Variants in RIT2 observed in about 807,000 individuals in gnomAD.
RIT2 encodes the protein Ras like without CAAX 2, also known as GTP-binding protein Rit2.
Under a neutral mutation model 23.7 loss-of-function variants are expected in RIT2, and 24 were observed. That is an observed-to-expected ratio of 1.01 (90% CI 0.73 to 1.43). The LOEUF (loss-of-function observed/expected upper bound fraction) is 1.43, where lower values mean the gene tolerates loss of function less well. Ranked by LOEUF, RIT2 falls within the 40% of genes most tolerant of loss-of-function variation. RIT2 has a pLI of 0.00. For synonymous variants in RIT2, 107 were observed against 91.1 expected, an observed-to-expected ratio of 1.17 and a Z score of -0.99; for missense variants, 236 against 266.9, an observed-to-expected ratio of 0.88 and a Z score of 0.81.
At chr18:42,761,667 C>T (rs1259843753) in intron 4 of RIT2, among the ~76,000 whole-genome samples, 1 of 152,038 alleles carries the variant, frequency 6.6e-6, no homozygotes, top group African/African-American at 2.4e-5. Flanking sequence ...TGAACTTGCT[C>T]TTATTTTTAA....
At chr18:42,868,427 A>C (rs962751714) in intron 4 of RIT2, among the ~76,000 whole-genome samples, 1 of 152,220 alleles carries the variant, frequency 6.6e-6, no homozygotes, top group African/African-American at 2.4e-5. Context: ...AAGCAAACTG[A>C]GGAAACCAAG....
intron 2 of RIT2, among the ~76,000 whole-genome samples, chr18:43,004,622 A>G (rs1032511703): frequency 2.0e-5 from 3 of 151,738 alleles, no homozygotes; most frequent in African/African-American, 7.2e-5. Context: ...TTGCTCCTAT[A>G]CTAATCTTTT....
chr18:42,989,694 A>G (rs1910794545), intron 2 of RIT2, among the ~76,000 whole-genome samples: 1 of 152,184 alleles, frequency 6.6e-6, no homozygotes, highest in African/African-American at 2.4e-5. Flanking sequence ...GCAGATCTAG[A>G]GAGAAAGGAT....
At chr18:43,076,832 G>C (rs1163979124) in intron 1 of RIT2, among the ~76,000 whole-genome samples, 1 of 152,016 alleles carries the variant, frequency 6.6e-6, no homozygotes, top group Non-Finnish European at 1.5e-5. Context: ...GGCCGGGCGC[G>C]GTGGCTCATG....
At chr18:43,049,451 C>T (rs9945309) in intron 1 of RIT2, among the ~76,000 whole-genome samples, 123,672 of 152,112 alleles carry the variant, frequency 0.81, 51,541 homozygotes, top group Non-Finnish European at 0.93. Flanking sequence ...AACAACTGCA[C>T]GACAGCTAGG....
chr18:42,830,632 A>C (rs1906429767), intron 4 of RIT2, among the ~76,000 whole-genome samples: 1 of 152,174 alleles, frequency 6.6e-6, no homozygotes, highest in Admixed American at 6.5e-5. Context: ...ATTTACTAAT[A>C]ATCTGTAGCT....
rs763924692 is a variant in RIT2, at chr18:42,743,720, C to G, written c.427G>C (p.Val143Leu). 1 of 1,593,522 alleles carries G rather than the reference C, an allele frequency of 6.3e-7. No individual in the cohort carries two copies. The highest frequency in any genetic ancestry group is 8.5e-7 in the Non-Finnish European group (1 of 1,169,856). Residue 143 changes from valine to leucine, a missense_variant and splice_region_variant, in exon 5 of 5, where the codon GTT (valine) becomes CTT (leucine). Physicochemically the swap from Val to Leu is conservative, Grantham distance 32. Coordinates refer to ENST00000326695, the MANE Select transcript of RIT2 (RefSeq NM_002930.4). ...AGACTCAAGCCTTCTTCTGTAGAAA[C>G]CTAAGGAAAAAACAAATAATATTAA... ...NKIDLEQFRQVSTEEGLSLAQ... is the reference protein window; with the variant it reads ...NKIDLEQFRQLSTEEGLSLAQ...
intron 1 of RIT2, among the ~76,000 whole-genome samples, chr18:43,096,073 A>G (rs1211257400): frequency 1.8e-4 from 27 of 151,948 alleles, no homozygotes; most frequent in Non-Finnish European, 4.4e-5. Context: ...ACAATCCGGA[A>G]AAGTGAGACT....
intron 1 of RIT2, among the ~76,000 whole-genome samples, chr18:43,100,796 G>T (rs916871003): frequency 2.6e-5 from 4 of 152,168 alleles, no homozygotes; most frequent in South Asian, 4.2e-4. Context: ...GAGGCTGGGG[G>T]TAAACAAGTT....
chr18:43,066,114 A>G (rs984478225), intron 1 of RIT2, among the ~76,000 whole-genome samples: 1 of 152,150 alleles, frequency 6.6e-6, no homozygotes, highest in East Asian at 1.9e-4. Flanking sequence ...ATGAATTAAA[A>G]TCTGGAATTT....
Position 43,049,485 on chromosome 18 carries a change from CAG to C in RIT2, c.104-15620_104-15619del, listed in dbSNP as rs1483064058. On this transcript the variant is annotated intron_variant, in intron 1 of 4. Coordinates refer to ENST00000326695, the MANE Select transcript of RIT2 (RefSeq NM_002930.4). ...GGTCCTCTGTTAAGTTTTAGGGACA[CAG>C]AGGTAAAAGGGGTAAATTCTATCTT... 5.3e-5 allele frequency among the ~76,000 whole-genome samples: 8 copies of C among 152,128 alleles called. No individual in the cohort carries two copies. In the East Asian group the frequency reaches 1.5e-3, roughly 29 times the overall value.
chr18:43,082,205 A>T (rs979585676), intron 1 of RIT2, among the ~76,000 whole-genome samples: 4 of 152,074 alleles, frequency 2.6e-5, no homozygotes, highest in African/African-American at 9.7e-5. Flanking sequence ...GTATTCTGTA[A>T]TGTAGTTTTT....
At chr18:42,746,679 A>G (rs1912923436) in intron 4 of RIT2, among the ~76,000 whole-genome samples, 1 of 152,118 alleles carries the variant, frequency 6.6e-6, no homozygotes, top group Non-Finnish European at 1.5e-5. Flanking sequence ...TAACAATCCT[A>G]TTGACACTAG....
At chr18:42,998,770 G>C (rs1911041687) in intron 2 of RIT2, among the ~76,000 whole-genome samples, 1 of 152,076 alleles carries the variant, frequency 6.6e-6, no homozygotes, top group African/African-American at 2.4e-5. Context: ...AGCTTAGAAG[G>C]CTGCTCTGTC....
chr18:42,762,255 T>C lies in RIT2; in HGVS notation c.427-18535A>G, dbSNP rs188027909. On this transcript the variant is annotated intron_variant, in intron 4 of 4. Transcript: ENST00000326695. ...TGGAAAATATAGATCATGTCTTCTA[T>C]TCATTGTTTTATCACTGAACTGTAT... Among the ~76,000 whole-genome samples the C allele has an allele frequency of 1.1e-4, 17 of 152,354 alleles. No individual in the cohort carries two copies. In the East Asian group the frequency reaches 3.1e-3, roughly 28 times the overall value.
At chr18:42,899,824 C>T (rs1326856276) in intron 4 of RIT2, among the ~76,000 whole-genome samples, 1 of 152,036 alleles carries the variant, frequency 6.6e-6, no homozygotes, top group East Asian at 1.9e-4. Flanking sequence ...GCTTGTAGTT[C>T]CTTACCTAAG....
At chr18:43,076,828 G>A (rs1913030636) in intron 1 of RIT2, among the ~76,000 whole-genome samples, 1 of 152,086 alleles carries the variant, frequency 6.6e-6, no homozygotes, top group Non-Finnish European at 1.5e-5. Flanking sequence ...ACACGGCCGG[G>A]CGCGGTGGCT....
intron 4 of RIT2, among the ~76,000 whole-genome samples, chr18:42,826,266 A>G (rs1906294924): frequency 6.6e-6 from 1 of 152,090 alleles, no homozygotes; most frequent in Non-Finnish European, 1.5e-5. Flanking sequence ...AAGCTGAAGC[A>G]GGTAGATGTT....
chr18:42,748,280 C>A (rs1912966345), intron 4 of RIT2, among the ~76,000 whole-genome samples: 1 of 151,826 alleles, frequency 6.6e-6, no homozygotes, highest in Non-Finnish European at 1.5e-5. Context: ...GGGCTAAGGA[C>A]CTGAATAGAC....
Sources: allele counts gnomAD v4.1 joint callset (sites outside exome capture counted in the v4.1 genomes callset), GRCh38; gene constraint gnomAD v4.1.1; transcripts MANE v1.5; gene names NCBI Gene and HGNC (gene_info 2026-07-23, HGNC 2026-07-21).